RNF26: variants seen among roughly 807,000 people sequenced by gnomAD.
RNF26 encodes ring finger protein 26, also known as E3 ubiquitin-protein ligase RNF26.
RNF26 carries 8 observed loss-of-function variants against 25.4 expected under a neutral mutation model. The observed-to-expected ratio is 0.31, with a 90% CI of 0.18 to 0.57. RNF26 has a LOEUF of 0.57. Among genes scored for constraint, RNF26 ranks in the 20% least tolerant of loss-of-function variants. The pLI is 0.90. For missense variants in RNF26, 470 were observed against 552.0 expected (o/e 0.85, Z 1.49); for synonymous variants, 262 against 246.7 (o/e 1.06, Z -0.58).
chr11:119,335,455 C>T lies in RNF26; in HGVS notation c.333C>T (p.Ser111=). 1 of 1,613,584 alleles carries T rather than the reference C, an allele frequency of 6.2e-7. No individual in the cohort carries two copies. The highest frequency in any genetic ancestry group is 8.5e-7 in the Non-Finnish European group (1 of 1,179,654). ...GHLASHGALR[S]REILHRGVLN... ...TGGCCTCTCATGGGGCACTGCGGAG[C>T]AGGGAGATACTGCACCGGGGCGTCC... Residue 111 remains serine, a synonymous_variant, in exon 1 of 1, where the codon AGC becomes AGT. Coordinates refer to ENST00000311413, the MANE Select transcript of RNF26 (RefSeq NM_032015.5).
Position 119,336,933 on chromosome 11 carries a change from T to C in RNF26, c.*509T>C, listed in dbSNP as rs1950445064. 2 of 174,712 alleles carry C rather than the reference T, an allele frequency of 1.1e-5. No homozygotes were observed. The highest frequency in any genetic ancestry group is 2.4e-5 in the African/African-American group (1 of 41,518). 10.8% of individuals were successfully genotyped at this position (174,712 alleles called of 1,614,324 possible). ...CCTGGTAGGCGTTGGGGTTAGTATCTCTCGGGTGCCCTCAGAGCCACCTCT... is the reference window on the plus strand; with the variant it reads ...CCTGGTAGGCGTTGGGGTTAGTATCCCTCGGGTGCCCTCAGAGCCACCTCT... On this transcript the variant is annotated 3_prime_UTR_variant, in exon 1 of 1. Transcript: ENST00000311413.
Position 119,335,339 on chromosome 11 carries a change from G to C in RNF26, c.217G>C (p.Val73Leu). 6.2e-7 allele frequency: 1 copy of C among 1,614,166 alleles called. No homozygotes were observed. Among genetic ancestry groups the C allele is most frequent in the East Asian group, 2.2e-5 (1 of 44,858 alleles). Reference sequence around the variant, plus strand: ...ATTGCTGGCCTTGATCGAAGCCGTGGTCCGGTTCACATGTGGGGGCTTGCA... The same window carrying C: ...ATTGCTGGCCTTGATCGAAGCCGTGCTCCGGTTCACATGTGGGGGCTTGCA... Reference protein sequence around the residue: ...LSLLALIEAVVRFTCGGLQAL... With the variant: ...LSLLALIEAVLRFTCGGLQAL... Residue 73 changes from valine (V) to leucine (L), a missense_variant, in exon 1 of 1, where the codon GTC becomes CTC. Transcript: ENST00000311413.
In RNF26 at chr11:119,335,862, C is replaced by T. The variant is rs1007642548; in HGVS notation, c.740C>T (p.Pro247Leu). 4 of 1,609,844 alleles carry T rather than the reference C, an allele frequency of 2.5e-6. No individual in the cohort carries two copies. The highest frequency in any genetic ancestry group is 1.1e-5 in the South Asian group (1 of 91,094). Reference sequence around the variant, plus strand: ...GCAGTGACGGTGACTGTGTTGCATCCGGACTTCACCCTGAGGCTGGCTACC... The same window carrying T: ...GCAGTGACGGTGACTGTGTTGCATCTGGACTTCACCCTGAGGCTGGCTACC... Reference protein sequence around the residue: ...VLAVTVTVLHPDFTLRLATQA... With the variant: ...VLAVTVTVLHLDFTLRLATQA... The change falls in exon 1 of 1, where the codon CCG (proline) becomes CTG (leucine). Residue 247 changes from proline to leucine, a missense_variant. By Grantham distance (98) the Pro-to-Leu change is moderately conservative. Transcript: ENST00000311413.
In RNF26 at chr11:119,336,983, C is replaced by T. The variant is rs1183401757; in HGVS notation, c.*559C>T. On this transcript the variant is annotated 3_prime_UTR_variant, in exon 1 of 1. Coordinates refer to ENST00000311413, the MANE Select transcript of RNF26 (RefSeq NM_032015.5). ...TGCCTGTGATCGTCTGATGAGGCTC[C>T]CTCCCAACCTGATCCAAAAGCCAGT... The T allele has an allele frequency of 5.9e-6, 1 of 170,072 alleles. No homozygotes were observed. The highest frequency in any genetic ancestry group is 2.4e-5 in the African/African-American group (1 of 41,464). The allele number at this position is 170,072 out of a possible 1,614,324, so 10.5% of individuals were successfully genotyped here.
Position 119,337,197 on chromosome 11 carries a change from CTG to C in RNF26, c.*776_*777del, listed in dbSNP as rs1950446695. 1 of 169,380 alleles carries C rather than the reference CTG, an allele frequency of 5.9e-6. No individual in the cohort carries two copies. Among genetic ancestry groups the C allele is most frequent in the Non-Finnish European group, 1.5e-5 (1 of 68,378 alleles). 10.5% of individuals were successfully genotyped at this position (169,380 alleles called of 1,614,324 possible). The stretch of plus-strand genomic sequence containing the variant: ...CTCTCCCTGGCATGGAGAGGGCAGA[CTG>C]TGCACATTTCACTAGGGTCCAAATA... On this transcript the variant is annotated 3_prime_UTR_variant, in exon 1 of 1. Coordinates refer to ENST00000311413, the MANE Select transcript of RNF26 (RefSeq NM_032015.5).
chr11:119,337,101 A>G lies in RNF26; in HGVS notation c.*677A>G, dbSNP rs891001108. On this transcript the variant is annotated 3_prime_UTR_variant, in exon 1 of 1. Coordinates refer to ENST00000311413, the MANE Select transcript of RNF26 (RefSeq NM_032015.5). ...ACCCCAGCTCACTGGGAGTCTCAGG[A>G]GGGATAACCGGATTTCTGCTCTTTC... 10 of 169,484 alleles carry G rather than the reference A, an allele frequency of 5.9e-5. No individual in the cohort carries two copies. Among genetic ancestry groups the G allele is most frequent in the African/African-American group, 2.2e-4 (9 of 41,542 alleles). 10.5% of individuals were successfully genotyped at this position (169,484 alleles called of 1,614,324 possible). A position where few individuals can be genotyped will look rare whatever the true frequency, so the allele number is the denominator to read the frequency against.
In RNF26 at chr11:119,334,921, C is replaced by G. The variant is rs976041143; in HGVS notation, c.-202C>G. 3.3e-6 allele frequency: 2 copies of G among 599,338 alleles called. No individual in the cohort carries two copies. The highest frequency in any genetic ancestry group is 3.7e-5 in the African/African-American group (2 of 53,850). 37.1% of individuals were successfully genotyped at this position (599,338 alleles called of 1,614,324 possible). ...CATCTTCAAAACCTGGACTCTTGGA[C>G]TGGCACCTGGCCACCTTTCCCTCTA... On this transcript the variant is annotated 5_prime_UTR_variant, in exon 1 of 1. Transcript: ENST00000311413.
Position 119,336,460 on chromosome 11 carries a change from C to G in RNF26, c.*36C>G. ...CCTGCCTGCCCACCCCTCCATGCTC[C>G]ACGCAGGCACTCACGCTAGGACAGC... On this transcript the variant is annotated 3_prime_UTR_variant, in exon 1 of 1. Transcript: ENST00000311413. 6.4e-7 allele frequency: 1 copy of G among 1,562,538 alleles called. No homozygotes were observed.
At position 119,336,472 on chromosome 11, in the gene RNF26, C is replaced by A; in HGVS notation, c.*48C>A. 1 of 1,510,748 alleles carries A rather than the reference C, an allele frequency of 6.6e-7. No homozygotes were observed. The highest frequency in any genetic ancestry group is 1.2e-5 in the South Asian group (1 of 82,746). The allele number at this position is 1,510,748 out of a possible 1,614,324, so 93.6% of individuals were successfully genotyped here. A position where few individuals can be genotyped will look rare whatever the true frequency, so the allele number is the denominator to read the frequency against. On this transcript the variant is annotated 3_prime_UTR_variant, in exon 1 of 1. Coordinates refer to ENST00000311413, the MANE Select transcript of RNF26 (RefSeq NM_032015.5). Reference sequence around the variant, plus strand: ...CCCCTCCATGCTCCACGCAGGCACTCACGCTAGGACAGCATTAACACCTCA... The same window carrying A: ...CCCCTCCATGCTCCACGCAGGCACTAACGCTAGGACAGCATTAACACCTCA...
In RNF26 at chr11:119,335,457, G is replaced by C; in HGVS notation, c.335G>C (p.Arg112Thr). ...HLASHGALRS[R>T]EILHRGVLNV... The stretch of plus-strand genomic sequence containing the variant: ...GCCTCTCATGGGGCACTGCGGAGCA[G>C]GGAGATACTGCACCGGGGCGTCCTC... The change falls in exon 1 of 1, where the codon AGG becomes ACG. Residue 112 changes from arginine to threonine, a missense_variant. By Grantham distance (71) the Arg-to-Thr change is moderately conservative (BLOSUM62 -1). Coordinates refer to ENST00000311413, the MANE Select transcript of RNF26 (RefSeq NM_032015.5). 1 of 1,613,816 alleles carries C rather than the reference G, an allele frequency of 6.2e-7. No homozygotes were observed. The highest frequency in any genetic ancestry group is 8.5e-7 in the Non-Finnish European group (1 of 1,179,782).
rs971096609 is a variant in RNF26, at chr11:119,335,132, G to A, written c.10G>A (p.Val4Met). The A allele has an allele frequency of 1.2e-6, 2 of 1,613,342 alleles. No homozygotes were observed. Among genetic ancestry groups the A allele is most frequent in the Non-Finnish European group, 1.7e-6 (2 of 1,179,528 alleles). Residue 4 changes from valine (V) to methionine (M), a missense_variant, in exon 1 of 1, where the codon GTG (valine) becomes ATG (methionine). Coordinates refer to ENST00000311413, the MANE Select transcript of RNF26 (RefSeq NM_032015.5). ...CTTCCATAGCCCTATCATGGAGGCA[G>A]TGTACCTGGTAGTGAATGGGTTGGG... MEA[V>M]YLVVNGLGLV... is the part of the protein sequence containing the mutation.
rs764650368 is a variant in RNF26, at chr11:119,335,192, C to A, written c.70C>A (p.Leu24Ile). ...GGACGTGCTGACCTTGGTGTTGGACCTCAACTTCCTGCTGGTGTCCTCCCT... is the reference window on the plus strand; with the variant it reads ...GGACGTGCTGACCTTGGTGTTGGACATCAACTTCCTGCTGGTGTCCTCCCT... ...VLDVLTLVLD[L>I]NFLLVSSLLA... is the part of the protein sequence containing the mutation. Residue 24 changes from leucine to isoleucine, a missense_variant, in exon 1 of 1, where the codon CTC (leucine) becomes ATC (isoleucine). Physicochemically the swap from Leu to Ile is conservative, Grantham distance 5. Coordinates refer to ENST00000311413, the MANE Select transcript of RNF26 (RefSeq NM_032015.5). 6.2e-6 allele frequency: 10 copies of A among 1,614,036 alleles called. No individual in the cohort carries two copies. The highest frequency in any genetic ancestry group is 5.9e-6 in the Non-Finnish European group (7 of 1,180,034).
At position 119,335,836 on chromosome 11, in the gene RNF26, G is replaced by A. The variant is rs768819208; in HGVS notation, c.714G>A (p.Leu238=). The A allele has an allele frequency of 3.1e-6, 5 of 1,611,342 alleles. No individual in the cohort carries two copies. In the African/African-American group the frequency reaches 5.3e-5, roughly 17 times the overall value. ...GCTTGGTGTTGCTAGCTTGTGTGCTGGCAGTGACGGTGACTGTGTTGCATC... is the reference window on the plus strand; with the variant it reads ...GCTTGGTGTTGCTAGCTTGTGTGCTAGCAGTGACGGTGACTGTGTTGCATC... ...LTGLVLLACV[L]AVTVTVLHPD... The change falls in exon 1 of 1, where the codon CTG becomes CTA. Residue 238 remains leucine (L), a synonymous_variant. Coordinates refer to ENST00000311413, the MANE Select transcript of RNF26 (RefSeq NM_032015.5).
Position 119,335,350 on chromosome 11 carries a change from A to C in RNF26, c.228A>C (p.Thr76=). ...TGATCGAAGCCGTGGTCCGGTTCAC[A>C]TGTGGGGGCTTGCAGGCCTTGTGTA... The part of the protein sequence containing the change: ...LALIEAVVRF[T]CGGLQALCTL... Residue 76 remains threonine (T), a synonymous_variant, in exon 1 of 1, where the codon ACA becomes ACC. Transcript: ENST00000311413. The C allele has an allele frequency of 3.1e-6, 5 of 1,614,098 alleles. No individual in the cohort carries two copies. The African/African-American group carries it at 5.3e-5, about 17-fold the overall frequency.
At position 119,336,057 on chromosome 11, in the gene RNF26, G is replaced by T. The variant is rs1950439241; in HGVS notation, c.935G>T (p.Gly312Val). The change falls in exon 1 of 1, where the codon GGT (glycine) becomes GTT (valine). Residue 312 changes from glycine (G) to valine (V), a missense_variant. Coordinates refer to ENST00000311413, the MANE Select transcript of RNF26 (RefSeq NM_032015.5). ...NRGGAPGAPQ[G>V]DPMRVFSVRT... is the part of the protein sequence containing the mutation. ...GGAGGGGCACCTGGAGCTCCCCAGGGTGACCCTATGAGGGTATTCTCAGTT... is the reference window on the plus strand; with the variant it reads ...GGAGGGGCACCTGGAGCTCCCCAGGTTGACCCTATGAGGGTATTCTCAGTT... 2 of 1,613,860 alleles carry T rather than the reference G, an allele frequency of 1.2e-6. No individual in the cohort carries two copies. Among genetic ancestry groups the T allele is most frequent in the South Asian group, 1.1e-5 (1 of 91,090 alleles).
At position 119,335,083 on chromosome 11, in the gene RNF26, G is replaced by C; in HGVS notation, c.-40G>C. The stretch of plus-strand genomic sequence containing the variant: ...CAACCTTGACAACCCCCCAACCGAG[G>C]AGCCAGACTTTGTTTTGGACTAACT... On this transcript the variant is annotated 5_prime_UTR_variant, in exon 1 of 1. Transcript: ENST00000311413. The C allele has an allele frequency of 6.5e-7, 1 of 1,531,468 alleles. No homozygotes were observed. Among genetic ancestry groups the C allele is most frequent in the Non-Finnish European group, 9.0e-7 (1 of 1,116,238 alleles). 94.9% of individuals were successfully genotyped at this position (1,531,468 alleles called of 1,614,324 possible). A position where few individuals can be genotyped will look rare whatever the true frequency, so the allele number is the denominator to read the frequency against.
chr11:119,335,054 T>C lies in RNF26; in HGVS notation c.-69T>C, dbSNP rs1950431597. 1.6e-6 allele frequency: 2 copies of C among 1,259,016 alleles called. No homozygotes were observed. Among genetic ancestry groups the C allele is most frequent in the African/African-American group, 3.0e-5 (2 of 67,092 alleles). 78.0% of individuals were successfully genotyped at this position (1,259,016 alleles called of 1,614,324 possible). ...AATTAATCCCAGACCCCCTAAAATA[T>C]TGACAACCTTGACAACCCCCCAACC... On this transcript the variant is annotated 5_prime_UTR_variant, in exon 1 of 1. Transcript: ENST00000311413.
Position 119,335,282 on chromosome 11 carries a change from C to G in RNF26, c.160C>G (p.Leu54Val). 6.2e-7 allele frequency: 1 copy of G among 1,614,238 alleles called. No homozygotes were observed. The highest frequency in any genetic ancestry group is 8.5e-7 in the Non-Finnish European group (1 of 1,180,042). The stretch of plus-strand genomic sequence containing the variant: ...CCTGCCGCACACGGTACTGACTAGT[C>G]TTCTGCACTTGGGCCGCGGAGTCTT... ...YNLPHTVLTSLLHLGRGVLLS... is the reference protein window; with the variant it reads ...YNLPHTVLTSVLHLGRGVLLS... The change falls in exon 1 of 1, where the codon CTT becomes GTT. Residue 54 changes from leucine to valine, a missense_variant. Transcript: ENST00000311413.
rs773272418 is a variant in RNF26 at position 119,336,000 on chromosome 11, G to A, written c.878G>A (p.Arg293His). The A allele has an allele frequency of 8.1e-6, 13 of 1,613,182 alleles. No individual in the cohort carries two copies. The highest frequency in any genetic ancestry group is 2.2e-5 in the South Asian group (2 of 91,086). The change falls in exon 1 of 1, where the codon CGC becomes CAC. Residue 293 changes from arginine (R) to histidine (H), a missense_variant. Coordinates refer to ENST00000311413, the MANE Select transcript of RNF26 (RefSeq NM_032015.5). ...GSEAWRRVWSRSLQLASWPNR... is the reference protein window; with the variant it reads ...GSEAWRRVWSHSLQLASWPNR... ...GAGGCCTGGCGCCGAGTCTGGAGCC[G>A]CAGTCTGCAGCTGGCGAGTTGGCCA...
Sources: gnomAD v4.1 joint callset for allele counts on GRCh38, gnomAD v4.1.1 for gene constraint, MANE v1.5 for transcripts, NCBI Gene and HGNC (gene_info 2026-07-23, HGNC 2026-07-21) for gene names.